The following TSPAN2 variants were observed in gnomAD, a reference collection of about 807,000 sequenced individuals.
TSPAN2 encodes the protein tetraspanin 2.
Under a neutral mutation model 33.3 loss-of-function variants are expected in TSPAN2, and 24 were observed. That is an observed-to-expected ratio of 0.72 (90% CI 0.52 to 1.01). TSPAN2 has a LOEUF of 1.01. TSPAN2 is among the 50% of genes least tolerant of loss of function. TSPAN2 has a pLI of 0.00. For missense variants in TSPAN2, 278 were observed against 281.3 expected, an observed-to-expected ratio of 0.99 and a Z score of 0.08; for synonymous variants, 114 against 104.5, an observed-to-expected ratio of 1.09 and a Z score of -0.56.
intron 1 of TSPAN2, among the ~76,000 whole-genome samples, chr1:115,086,145 T>C (rs1465670104): frequency 6.6e-6 from 1 of 152,174 alleles, no homozygotes; most frequent in Non-Finnish European, 1.5e-5. Flanking sequence ...ACAAAAATAA[T>C]AATTAATATT....
chr1:115,087,181 A>C (rs960120582), intron 1 of TSPAN2, among the ~76,000 whole-genome samples: 9 of 151,940 alleles, frequency 5.9e-5, no homozygotes, highest in Non-Finnish European at 1.0e-4. Flanking sequence ...GGCCTCCTAA[A>C]GTGCTGGGAT....
chr1:115,079,091 A>C (rs1286334963), intron 1 of TSPAN2, among the ~76,000 whole-genome samples: 2 of 152,076 alleles, frequency 1.3e-5, no homozygotes, highest in African/African-American at 4.8e-5. Flanking sequence ...CAATGTATAC[A>C]TGCCTTCCAC....
chr1:115,079,372 C>T (rs1648539314), intron 1 of TSPAN2, among the ~76,000 whole-genome samples: 1 of 152,150 alleles, frequency 6.6e-6, no homozygotes, highest in Admixed American at 6.5e-5. Context: ...ATTGGAATCA[C>T]ATAATGAGCA....
chr1:115,050,399 T>C lies in TSPAN2; in HGVS notation c.*91A>G. On this transcript the variant is annotated 3_prime_UTR_variant, in exon 8 of 8. Coordinates refer to ENST00000369516, the MANE Select transcript of TSPAN2 (RefSeq NM_005725.6). ...GACAGCAAATTATTTTAGATCCTAA[T>C]GTCATTTCAGTGTTAAAAATGAGCT... 8.8e-7 allele frequency: 1 copy of C among 1,131,170 alleles called. No individual in the cohort carries two copies. The highest frequency in any genetic ancestry group is 1.5e-5 in the African/African-American group (1 of 65,262). 70.1% of individuals were successfully genotyped at this position (1,131,170 alleles called of 1,614,324 possible). A position where few individuals can be genotyped will look rare whatever the true frequency, so the allele number is the denominator to read the frequency against.
At position 115,048,480 on chromosome 1, in the gene TSPAN2, C is replaced by G. The variant is rs968850452; in HGVS notation, c.*2010G>C. 6.6e-6 allele frequency: 1 copy of G among 151,888 alleles called. No individual in the cohort carries two copies. Among genetic ancestry groups the G allele is most frequent in the South Asian group, 2.1e-4 (1 of 4,830 alleles). 9.4% of individuals were successfully genotyped at this position (151,888 alleles called of 1,614,324 possible). ...ATCGTACATGGAACAGAACCCTTCT[C>G]TTCTACTTTAATTAATTTCATTTTA... On this transcript the variant is annotated 3_prime_UTR_variant, in exon 8 of 8. Coordinates refer to ENST00000369516, the MANE Select transcript of TSPAN2 (RefSeq NM_005725.6).
rs1211232457 is a variant in TSPAN2, at chr1:115,048,184, T to C, written c.*2306A>G. ...ATGTATATGTGTATGTATATATATA[T>C]ATACACACACATCTGTATATACATA... On this transcript the variant is annotated 3_prime_UTR_variant, in exon 8 of 8. Transcript: ENST00000369516. The C allele has an allele frequency of 6.6e-6, 1 of 150,476 alleles. No individual in the cohort carries two copies. The highest frequency in any genetic ancestry group is 6.6e-5 in the Admixed American group (1 of 15,046). The allele number at this position is 150,476 out of a possible 1,614,324, so 9.3% of individuals were successfully genotyped here. A position where few individuals can be genotyped will look rare whatever the true frequency, so the allele number is the denominator to read the frequency against.
intron 1 of TSPAN2, among the ~76,000 whole-genome samples, chr1:115,078,427 C>T (rs2101044668): frequency 6.6e-6 from 1 of 152,258 alleles, no homozygotes; most frequent in East Asian, 1.9e-4. Context: ...AATTGTATCC[C>T]TCCAACCTGC....
chr1:115,051,490 A>G (rs1313102674), intron 7 of TSPAN2, among the ~76,000 whole-genome samples: 1 of 152,202 alleles, frequency 6.6e-6, no homozygotes, highest in Admixed American at 6.5e-5. Flanking sequence ...ATCAATATCC[A>G]CTTCCATGGT....
At chr1:115,059,786 G>C (rs1427240515) in intron 4 of TSPAN2, among the ~76,000 whole-genome samples, 1 of 152,136 alleles carries the variant, frequency 6.6e-6, no homozygotes, top group Non-Finnish European at 1.5e-5. Context: ...AAAAGGAGGT[G>C]ACATTTACTA....
chr1:115,060,195 T>G (rs1220962694), intron 4 of TSPAN2, among the ~76,000 whole-genome samples: 1 of 152,124 alleles, frequency 6.6e-6, no homozygotes. Context: ...GAATCTTAAA[T>G]TAGAGATCCT....
intron 1 of TSPAN2, among the ~76,000 whole-genome samples, chr1:115,086,352 T>C (rs1435304243): frequency 6.6e-6 from 1 of 152,222 alleles, no homozygotes. Flanking sequence ...TCCAGCCTGA[T>C]GGCTTCGACA....
chr1:115,055,341 T>A (rs538108015), intron 6 of TSPAN2, among the ~76,000 whole-genome samples: 1 of 151,402 alleles, frequency 6.6e-6, no homozygotes, highest in South Asian at 2.1e-4. Flanking sequence ...TTTTTTTTTT[T>A]AAAAAGAAAT....
At chr1:115,057,685 T>A in intron 5 of TSPAN2, 77 bp from the exon 6 acceptor site, 5 of 1,421,944 alleles carry the variant, frequency 3.5e-6, no homozygotes, top group Admixed American at 1.7e-5. Context: ...TGCTAAGGAC[T>A]GGGGTGCCGA....
chr1:115,052,625 T>G (rs1647219374), intron 7 of TSPAN2, among the ~76,000 whole-genome samples: 1 of 152,166 alleles, frequency 6.6e-6, no homozygotes, highest in Admixed American at 6.5e-5. Flanking sequence ...GCCATACCTG[T>G]CCGCTGCTAT....
chr1:115,068,888 G>A (rs910629813), intron 2 of TSPAN2, among the ~76,000 whole-genome samples: 1 of 152,192 alleles, frequency 6.6e-6, no homozygotes, highest in Non-Finnish European at 1.5e-5. Flanking sequence ...TATCCAGAGA[G>A]GCAGCACCGG....
rs747038693 is a variant in TSPAN2, at chr1:115,089,389, A to G, written c.44T>C (p.Leu15Pro). Residue 15 changes from leucine (L) to proline (P), a missense_variant, in exon 1 of 8, where the codon CTG becomes CCG. Leu to Pro is a moderately conservative substitution (Grantham distance 98). Coordinates refer to ENST00000369516, the MANE Select transcript of TSPAN2 (RefSeq NM_005725.6). ...CCAGAAGAGCAGGTTGAAGCCAAGCAGCAGGTACTTGATGCACCGCAGGCC... is the reference window on the plus strand; with the variant it reads ...CCAGAAGAGCAGGTTGAAGCCAAGCGGCAGGTACTTGATGCACCGCAGGCC... ...RGGLRCIKYLLLGFNLLFWLA... is the reference protein window; with the variant it reads ...RGGLRCIKYLPLGFNLLFWLA... 6 of 1,596,534 alleles carry G rather than the reference A, an allele frequency of 3.8e-6. No homozygotes were observed. Among genetic ancestry groups the G allele is most frequent in the Non-Finnish European group, 5.1e-6 (6 of 1,172,928 alleles).
At chr1:115,083,479 C>T (rs1015395274) in intron 1 of TSPAN2, among the ~76,000 whole-genome samples, 2 of 152,148 alleles carry the variant, frequency 1.3e-5, no homozygotes, top group African/African-American at 4.8e-5. Flanking sequence ...CAGGGCACAC[C>T]CTGCTTCAGT....
At chr1:115,077,242 G>A (rs565807886) in intron 1 of TSPAN2, among the ~76,000 whole-genome samples, 7 of 151,924 alleles carry the variant, frequency 4.6e-5, no homozygotes, top group Admixed American at 3.3e-4. Flanking sequence ...TCTGAGGACC[G>A]GTTGTATGTG....
At chr1:115,089,322 C>G (rs963807652) in intron 1 of TSPAN2, 42 bp downstream of exon 1, 2 of 1,497,702 alleles carry the variant, frequency 1.3e-6, no homozygotes, top group Non-Finnish European at 1.8e-6. Flanking sequence ...GCCCGCCACC[C>G]GGCCCCCTGC....
Sources: allele counts gnomAD v4.1 joint callset (sites outside exome capture counted in the v4.1 genomes callset), GRCh38; gene constraint gnomAD v4.1.1; transcripts MANE v1.5; gene names NCBI Gene and HGNC (gene_info 2026-07-23, HGNC 2026-07-21).